The following RABGAP1L variants were observed in gnomAD, a reference collection of about 807,000 sequenced individuals.
RABGAP1L encodes rab GTPase-activating protein 1-like.
In RABGAP1L, 63 loss-of-function variants were observed where a neutral mutation model predicts 137.7. That is an observed-to-expected ratio of 0.46 (90% CI 0.37 to 0.56). The LOEUF is 0.56. RABGAP1L is among the 20% of genes least tolerant of loss of function. RABGAP1L has a pLI of 0.00. For synonymous variants in RABGAP1L, 431 were observed against 433.7 expected (o/e 0.99, Z 0.08); for missense variants, 1,095 against 1,244.0 (o/e 0.88, Z 1.80).
chr1:174,587,849 T>G (rs1669239202), intron 13 of RABGAP1L, among the ~76,000 whole-genome samples: 1 of 152,054 alleles, frequency 6.6e-6, no homozygotes, highest in South Asian at 2.1e-4. Flanking sequence ...CCAATTATAC[T>G]CTTTAGATTT....
intron 15 of RABGAP1L, among the ~76,000 whole-genome samples, chr1:174,692,793 A>G (rs1461546801): frequency 6.6e-6 from 1 of 152,104 alleles, no homozygotes; most frequent in Non-Finnish European, 1.5e-5. Context: ...ACATTTAGTG[A>G]TTGCCAACAA....
At chr1:174,740,828 A>C (rs1335887385) in intron 17 of RABGAP1L, among the ~76,000 whole-genome samples, 8 of 152,106 alleles carry the variant, frequency 5.3e-5, no homozygotes, top group Non-Finnish European at 1.0e-4. Flanking sequence ...CATGAGGTTG[A>C]ACATTTTTTC....
chr1:174,536,332 A>G (rs116206456), intron 13 of RABGAP1L, among the ~76,000 whole-genome samples: 2,875 of 152,070 alleles, frequency 0.019, 40 homozygotes, highest in Non-Finnish European at 0.03. Context: ...GAAACTGTGT[A>G]TGTTTGTTTG....
intron 13 of RABGAP1L, among the ~76,000 whole-genome samples, chr1:174,514,301 C>T (rs1382893178): frequency 6.9e-5 from 10 of 144,588 alleles, no homozygotes; most frequent in East Asian, 6.2e-4. Context: ...TGGTAGGATT[C>T]GTTTTCCACC....
intron 19 of RABGAP1L, among the ~76,000 whole-genome samples, chr1:174,821,424 A>T (rs1277744192): frequency 6.6e-6 from 1 of 152,144 alleles, no homozygotes; most frequent in Non-Finnish European, 1.5e-5. Context: ...AATTACCTAT[A>T]TATTGTGCTG....
At chr1:174,240,848 T>G (rs1361895809) in intron 4 of RABGAP1L, among the ~76,000 whole-genome samples, 1 of 152,176 alleles carries the variant, frequency 6.6e-6, no homozygotes, top group East Asian at 1.9e-4. Context: ...CACGTATACT[T>G]AGCTTTGGAG....
intron 13 of RABGAP1L, among the ~76,000 whole-genome samples, chr1:174,623,185 T>C (rs1672670961): frequency 6.6e-6 from 1 of 152,222 alleles, no homozygotes; most frequent in South Asian, 2.1e-4. Flanking sequence ...TATTTTATTA[T>C]GAATAATATT....
At chr1:174,533,301 C>T (rs778111136) in intron 13 of RABGAP1L, among the ~76,000 whole-genome samples, 36 of 152,172 alleles carry the variant, frequency 2.4e-4, no homozygotes, top group Non-Finnish European at 4.3e-4. Flanking sequence ...CATCGCTCTT[C>T]GTCTTTGTCT....
chr1:174,473,360 C>G (rs1011769768), intron 13 of RABGAP1L, among the ~76,000 whole-genome samples: 21 of 152,124 alleles, frequency 1.4e-4, no homozygotes, highest in African/African-American at 4.8e-4. Flanking sequence ...CTTTGTACTT[C>G]AGGTTCAAAG....
At chr1:174,305,549 CT>C (rs914973647) in intron 11 of RABGAP1L, among the ~76,000 whole-genome samples, 5 of 151,322 alleles carry the variant, frequency 3.3e-5, no homozygotes, top group African/African-American at 1.2e-4. Context: ...TGCTTGGCTA[CT>C]TTTTTTTGTA....
chr1:174,433,649 T>C (rs1652903514), intron 13 of RABGAP1L, among the ~76,000 whole-genome samples: 2 of 152,202 alleles, frequency 1.3e-5, no homozygotes, highest in African/African-American at 2.4e-5. Context: ...CACTGAGCCA[T>C]GAGTCAGATA....
intron 11 of RABGAP1L, among the ~76,000 whole-genome samples, chr1:174,353,547 T>C (rs888080049): frequency 6.6e-6 from 1 of 152,204 alleles, no homozygotes; most frequent in African/African-American, 2.4e-5. Context: ...TTCAAGTTTA[T>C]AAGGACCCAG....
chr1:174,746,679 C>T (rs1443530532), intron 17 of RABGAP1L, among the ~76,000 whole-genome samples: 1 of 152,194 alleles, frequency 6.6e-6, no homozygotes, highest in Non-Finnish European at 1.5e-5. Flanking sequence ...GAATCATCTT[C>T]TCTAACTTAA....
At chr1:174,871,150 TTTTGTTTG>T (rs150911929) in intron 19 of RABGAP1L, among the ~76,000 whole-genome samples, 5 of 151,838 alleles carry the variant, frequency 3.3e-5, no homozygotes, top group African/African-American at 1.2e-4. Flanking sequence ...ATGTTGAGTT[TTTTGTTTG>T]TTTGTTTGTT....
intron 18 of RABGAP1L, among the ~76,000 whole-genome samples, chr1:174,778,114 T>C (rs1175932430): frequency 6.6e-6 from 1 of 152,168 alleles, no homozygotes; most frequent in Non-Finnish European, 1.5e-5. Flanking sequence ...AGGCGTGTTA[T>C]GATGAAATTG....
intron 19 of RABGAP1L, among the ~76,000 whole-genome samples, chr1:174,881,747 G>A (rs537015850): frequency 7.9e-5 from 12 of 151,916 alleles, no homozygotes; most frequent in South Asian, 2.1e-4. Flanking sequence ...TGACCCGCCC[G>A]CCTCAGCCCC....
At chr1:174,673,035 CTCTT>C (rs1677305232) in intron 14 of RABGAP1L, among the ~76,000 whole-genome samples, 2 of 152,068 alleles carry the variant, frequency 1.3e-5, no homozygotes, top group African/African-American at 4.8e-5. Context: ...TCTGTATTCT[CTCTT>C]TATCCTACTT....
In RABGAP1L at chr1:174,252,727, TACTTTA is replaced by T. The variant is rs759265975; in HGVS notation, c.986+142_986+147del. ...TGAGGATAATTAATAATACTTTCTCTACTTTAACTTAGATGTAACTGGTTTCATTGA... is the reference window on the plus strand; with the variant it reads ...TGAGGATAATTAATAATACTTTCTCTACTTAGATGTAACTGGTTTCATTGA... On this transcript the variant is annotated intron_variant, in intron 7 of 25. Transcript: ENST00000681986. The T allele has an allele frequency of 5.2e-5, 68 of 1,308,992 alleles. 1 individual carries two copies. In the African/African-American group the frequency reaches 1.0e-3, roughly 20 times the overall value. 81.1% of individuals were successfully genotyped at this position (1,308,992 alleles called of 1,614,324 possible). A position where few individuals can be genotyped will look rare whatever the true frequency, so the allele number is the denominator to read the frequency against.
At chr1:174,533,446 C>T (rs1664613472) in intron 13 of RABGAP1L, among the ~76,000 whole-genome samples, 1 of 152,114 alleles carries the variant, frequency 6.6e-6, no homozygotes, top group Non-Finnish European at 1.5e-5. Flanking sequence ...TTACCTCTGC[C>T]ACCCCTGAGA....
Sources: allele counts gnomAD v4.1 joint callset (sites outside exome capture counted in the v4.1 genomes callset), GRCh38; gene constraint gnomAD v4.1.1; transcripts MANE v1.5; gene names NCBI Gene and HGNC (gene_info 2026-07-23, HGNC 2026-07-21).